ZNF385C: variants seen among roughly 807,000 people sequenced by gnomAD.
ZNF385C encodes the protein zinc finger protein 385C, also known as CTD-2132N18.2.
Under a neutral mutation model 35.4 loss-of-function variants are expected in ZNF385C, and 28 were observed. The ratio of observed to expected loss-of-function variants is 0.79; its 90% CI spans 0.59 to 1.08. The LOEUF (loss-of-function observed/expected upper bound fraction) is 1.08. ZNF385C is among the 50% of genes least tolerant of loss of function. The probability of loss-of-function intolerance (pLI) is 0.00; values close to 1 mark genes in which losing one functional copy is unlikely to be tolerated. For missense variants in ZNF385C, 605 were observed against 595.6 expected (o/e 1.02, Z -0.16); for synonymous variants, 248 against 248.2 (o/e 1.00, Z 0.01).
intron 1 of ZNF385C, among the ~76,000 whole-genome samples, chr17:42,077,749 C>G (rs1422445724): frequency 6.6e-6 from 1 of 152,116 alleles, no homozygotes; most frequent in East Asian, 1.9e-4. Flanking sequence ...CTCCTGGGCT[C>G]TAGGAGGGTG....
At chr17:42,091,540 C>T (rs2053863427) in intron 1 of ZNF385C, among the ~76,000 whole-genome samples, 1 of 152,354 alleles carries the variant, frequency 6.6e-6, no homozygotes, top group Admixed American at 6.5e-5. Context: ...GCCAAATGGA[C>T]AGCTCCCCCT....
At chr17:42,071,088 G>A (rs1420861819) in intron 1 of ZNF385C, among the ~76,000 whole-genome samples, 2 of 146,172 alleles carry the variant, frequency 1.4e-5, no homozygotes, top group East Asian at 1.9e-4. Context: ...AGTCACCTGC[G>A]CCAGACCCCA....
At chr17:42,079,870 CTCA>C (rs2053730362) in intron 1 of ZNF385C, among the ~76,000 whole-genome samples, 1 of 152,132 alleles carries the variant, frequency 6.6e-6, no homozygotes, top group Non-Finnish European at 1.5e-5. Flanking sequence ...TGCCAAAGAT[CTCA>C]TCAATGATCC....
chr17:42,037,872 G>A lies in ZNF385C; in HGVS notation c.264C>T (p.Ser88=), dbSNP rs897629485. The change falls in exon 3 of 9, where the codon TCC becomes TCT. Residue 88 remains serine (S), a synonymous_variant. Coordinates refer to ENST00000692273, the MANE Select transcript of ZNF385C (RefSeq NM_001392013.1). ...AGGCCAGCAGGGGGCTGGGGGCGCC[G>A]GAGGCCGGGCCTGCTGCAGGAGGAA... ...KSPSGPAGPA[S]GAPSPLLASL... 137 of 1,523,128 alleles carry A rather than the reference G, an allele frequency of 9.0e-5. No homozygotes were observed. Among genetic ancestry groups the A allele is most frequent in the Non-Finnish European group, 1.1e-4 (125 of 1,132,132 alleles). 94.4% of individuals were successfully genotyped at this position (1,523,128 alleles called of 1,614,324 possible).
chr17:42,053,887 G>A (rs1023032817), intron 2 of ZNF385C, among the ~76,000 whole-genome samples: 1 of 152,080 alleles, frequency 6.6e-6, no homozygotes, highest in African/African-American at 2.4e-5. Context: ...AGTGCAGAAC[G>A]AGGAGCAAAT....
At chr17:42,030,140 T>C (rs1055743809) in intron 5 of ZNF385C, among the ~76,000 whole-genome samples, 2 of 151,596 alleles carry the variant, frequency 1.3e-5, no homozygotes, top group African/African-American at 4.9e-5. Context: ...CGCAAAAACA[T>C]GGATGAATCT....
chr17:42,028,319 C>T, intron 6 of ZNF385C, 73 bp from the exon 7 acceptor site: 2 of 1,444,788 alleles, frequency 1.4e-6, no homozygotes, highest in Non-Finnish European at 1.8e-6. Flanking sequence ...CCTCCACACT[C>T]ATGCAATTTG....
intron 1 of ZNF385C, among the ~76,000 whole-genome samples, chr17:42,075,634 A>G (rs550361818): frequency 6.6e-6 from 1 of 151,754 alleles, no homozygotes; most frequent in South Asian, 2.1e-4. Flanking sequence ...AGCTGGGACT[A>G]CAGGCGCCCA....
At chr17:42,040,391 C>T in intron 2 of ZNF385C, 1 of 1,231,982 alleles carries the variant, frequency 8.1e-7, no homozygotes, top group Non-Finnish European at 1.0e-6. Context: ...TGGAGGCGGG[C>T]CCCACCTGAG....
chr17:42,058,018 T>C (rs553106736), intron 2 of ZNF385C, among the ~76,000 whole-genome samples: 22 of 152,036 alleles, frequency 1.4e-4, no homozygotes, highest in Admixed American at 3.9e-4. Context: ...GTCGGGGCAG[T>C]GCTTGGAGGA....
chr17:42,036,494 A>G (rs1555655487), intron 3 of ZNF385C, among the ~76,000 whole-genome samples: 1 of 151,846 alleles, frequency 6.6e-6, no homozygotes, highest in Admixed American at 6.6e-5. Flanking sequence ...AGAGTTTGAG[A>G]CCAGCCTGGG....
Position 42,083,252 on chromosome 17 carries a change from G to A in ZNF385C, c.-3+15158C>T, listed in dbSNP as rs146321362. ...GAGTCTCTTGCTGTCACCCTGGCTG[G>A]AGTGCAGTGGCGTGATCCCAGCTCA... On this transcript the variant is annotated intron_variant, in intron 1 of 8. Transcript: ENST00000692273. Among the ~76,000 whole-genome samples, 311 of 151,320 alleles carry A rather than the reference G, an allele frequency of 2.1e-3. 2 individuals carry two copies. Among genetic ancestry groups the A allele is most frequent in the African/African-American group, 7.4e-3 (304 of 41,226 alleles).
intron 2 of ZNF385C, among the ~76,000 whole-genome samples, chr17:42,058,075 C>T (rs2053408325): frequency 1.3e-5 from 2 of 152,064 alleles, no homozygotes; most frequent in South Asian, 4.1e-4. Flanking sequence ...CTGTGCCCCT[C>T]CAAGGTATTC....
chr17:42,035,303 GC>G (rs1220521106), intron 3 of ZNF385C, among the ~76,000 whole-genome samples: 1 of 151,782 alleles, frequency 6.6e-6, no homozygotes, highest in African/African-American at 2.4e-5. Flanking sequence ...GATCACCTTG[GC>G]ATCTCTTGGT....
intron 1 of ZNF385C, among the ~76,000 whole-genome samples, chr17:42,076,343 C>T (rs1185426584): frequency 1.3e-5 from 2 of 151,512 alleles, no homozygotes; most frequent in Non-Finnish European, 2.9e-5. Context: ...AGGCTCTGGC[C>T]GGGCGCGGTG....
rs552288648 is a variant in ZNF385C, at chr17:42,078,855, G to A, written c.-2-15797C>T. ...TCTGCGGGTGTAATTTGGAGGGACT[G>A]CGGGGAACTGGAGTAACTTGAAGTC... On this transcript the variant is annotated intron_variant, in intron 1 of 8. Transcript: ENST00000692273. Among the ~76,000 whole-genome samples, 4 of 152,274 alleles carry A rather than the reference G, an allele frequency of 2.6e-5. No homozygotes were observed. In the South Asian group the frequency reaches 8.3e-4, roughly 32 times the overall value.
At chr17:42,094,820 A>G (rs1453599674) in intron 1 of ZNF385C, among the ~76,000 whole-genome samples, 1 of 152,192 alleles carries the variant, frequency 6.6e-6, no homozygotes, top group Non-Finnish European at 1.5e-5. Flanking sequence ...CCAAAAGCTT[A>G]ACCAACCGCT....
intron 4 of ZNF385C, 54 bp from the exon 5 acceptor site, chr17:42,031,838 A>G (rs1555655036): frequency 2.0e-6 from 3 of 1,531,606 alleles, no homozygotes; most frequent in Non-Finnish European, 8.8e-7. Context: ...CACATGCCCC[A>G]TCTGTGAACT....
chr17:42,033,748 G>A (rs193117345), intron 4 of ZNF385C, among the ~76,000 whole-genome samples: 58 of 152,182 alleles, frequency 3.8e-4, no homozygotes, highest in African/African-American at 1.3e-3. Context: ...GTGAGACCTT[G>A]TCTAAAAAAA....
Sources: allele counts gnomAD v4.1 joint callset (sites outside exome capture counted in the v4.1 genomes callset), GRCh38; gene constraint gnomAD v4.1.1; transcripts MANE v1.5; gene names NCBI Gene and HGNC (gene_info 2026-07-23, HGNC 2026-07-21).